CACNA2D3: variants seen among roughly 807,000 people sequenced by gnomAD.
The protein encoded by CACNA2D3 is voltage-dependent calcium channel subunit alpha-2/delta-3.
Under a neutral mutation model 160.6 loss-of-function variants are expected in CACNA2D3, and 60 were observed. That is an observed-to-expected ratio of 0.37 (90% CI 0.30 to 0.46). The LOEUF is 0.46. Among genes scored for constraint, CACNA2D3 ranks in the 20% least tolerant of loss-of-function variants. CACNA2D3 has a pLI of 1.00. For missense variants in CACNA2D3, 1,205 were observed against 1,365.0 expected (o/e 0.88, Z 1.85); for synonymous variants, 558 against 492.9 (o/e 1.13, Z -1.75).
chr3:54,618,374 T>TATATATATATATATATATATACACAC, intron 9 of CACNA2D3, among the ~76,000 whole-genome samples: 2 of 54,586 alleles, frequency 3.7e-5, no homozygotes, highest in African/African-American at 2.3e-4. Context: ...TATATATATA[T>TATATATATATATATATATATACACAC]GCACACACAC....
rs779649644 is a variant in CACNA2D3 at position 55,073,526 on chromosome 3, C to G, written c.3069C>G (p.Ala1023=). ...VDSSCLCESV[A]PITMAPIEIR... ...GCAGCTGCCTCTGTGAATCTGTGGC[C>G]CCCATCACCATGGCACCCATTGAAA... The change falls in exon 36 of 38, where the codon GCC becomes GCG. Residue 1023 remains alanine (A), a synonymous_variant. Coordinates refer to ENST00000474759, the MANE Select transcript of CACNA2D3 (RefSeq NM_018398.3). 3.5e-5 allele frequency: 57 copies of G among 1,613,660 alleles called. No homozygotes were observed. The Admixed American group carries it at 9.3e-4, about 26-fold the overall frequency.
intron 5 of CACNA2D3, among the ~76,000 whole-genome samples, chr3:54,517,638 G>A (rs1011402364): frequency 2.0e-5 from 3 of 152,166 alleles, no homozygotes; most frequent in African/African-American, 4.8e-5. Context: ...TGACAGTGAC[G>A]TCAGCAGTAG....
At chr3:54,968,082 T>C (rs1189774747) in intron 27 of CACNA2D3, among the ~76,000 whole-genome samples, 1 of 152,142 alleles carries the variant, frequency 6.6e-6, no homozygotes, top group Non-Finnish European at 1.5e-5. Flanking sequence ...CAAACAGTAA[T>C]AGCTGACAGG....
intron 34 of CACNA2D3, among the ~76,000 whole-genome samples, 189 bp downstream of exon 34, chr3:55,009,632 C>T (rs1703167934): frequency 6.6e-6 from 1 of 152,178 alleles, no homozygotes. Flanking sequence ...CAGAATTCCA[C>T]AGGCTTCATT....
intron 4 of CACNA2D3, among the ~76,000 whole-genome samples, chr3:54,434,429 C>T (rs527489442): frequency 1.3e-5 from 2 of 152,206 alleles, no homozygotes; most frequent in African/African-American, 4.8e-5. Context: ...TTGATTTTGG[C>T]CCACTCCCAG....
chr3:54,267,012 G>T (rs139047823), intron 2 of CACNA2D3, among the ~76,000 whole-genome samples: 44 of 152,230 alleles, frequency 2.9e-4, no homozygotes, highest in Non-Finnish European at 4.7e-4. Flanking sequence ...AATGTGAAAT[G>T]GGGGGAGGCT....
chr3:54,560,121 T>C (rs1035053880), intron 5 of CACNA2D3, among the ~76,000 whole-genome samples: 1 of 152,204 alleles, frequency 6.6e-6, no homozygotes, highest in African/African-American at 2.4e-5. Context: ...TTGCTGAGTC[T>C]AATGGTATTT....
chr3:54,268,702 C>T (rs566002461), intron 2 of CACNA2D3, among the ~76,000 whole-genome samples: 1 of 152,276 alleles, frequency 6.6e-6, no homozygotes, highest in Admixed American at 6.5e-5. Flanking sequence ...AGCCACCGTG[C>T]CCAGCTGTCA....
intron 2 of CACNA2D3, among the ~76,000 whole-genome samples, chr3:54,173,408 TAATG>T (rs574983800): frequency 6.6e-6 from 1 of 152,206 alleles, no homozygotes; most frequent in Non-Finnish European, 1.5e-5. Flanking sequence ...AATTTAATAA[TAATG>T]CAATTTTAAA....
At chr3:54,944,914 C>A (rs1014737228) in intron 27 of CACNA2D3, among the ~76,000 whole-genome samples, 2 of 152,034 alleles carry the variant, frequency 1.3e-5, no homozygotes, top group Admixed American at 6.6e-5. Flanking sequence ...TGAAGGCTCT[C>A]CCCAAATATC....
At chr3:55,052,822 A>G (rs2107208801) in intron 35 of CACNA2D3, among the ~76,000 whole-genome samples, 1 of 152,112 alleles carries the variant, frequency 6.6e-6, no homozygotes, top group East Asian at 1.9e-4. Flanking sequence ...ATTGTGACTA[A>G]CATTTTCGTG....
chr3:54,949,184 GT>G (rs1701692756), intron 27 of CACNA2D3, among the ~76,000 whole-genome samples: 1 of 152,152 alleles, frequency 6.6e-6, no homozygotes. Context: ...CCTTGATATA[GT>G]TTTGGTCAGT....
intron 11 of CACNA2D3, among the ~76,000 whole-genome samples, chr3:54,711,697 G>A (rs1700956205): frequency 6.6e-6 from 1 of 152,180 alleles, no homozygotes; most frequent in Non-Finnish European, 1.5e-5. Flanking sequence ...ATAGAAGAGT[G>A]GATATCTGGA....
intron 2 of CACNA2D3, among the ~76,000 whole-genome samples, chr3:54,317,814 CA>C (rs1703900347): frequency 1.3e-5 from 2 of 152,206 alleles, no homozygotes; most frequent in Non-Finnish European, 2.9e-5. Context: ...GCTGGGATTA[CA>C]GGTGTGAACC....
At chr3:54,878,059 T>G (rs147766317) in intron 18 of CACNA2D3, among the ~76,000 whole-genome samples, 1 of 152,212 alleles carries the variant, frequency 6.6e-6, no homozygotes, top group Non-Finnish European at 1.5e-5. Context: ...ATGCCTTTAC[T>G]CACTCACACA....
At chr3:54,602,634 G>A (rs1208568907) in intron 9 of CACNA2D3, among the ~76,000 whole-genome samples, 4 of 152,018 alleles carry the variant, frequency 2.6e-5, no homozygotes, top group African/African-American at 9.7e-5. Context: ...GCTAACCCTG[G>A]ATTTGTACTC....
At chr3:54,369,109 G>A (rs1441022865) in intron 3 of CACNA2D3, among the ~76,000 whole-genome samples, 1 of 152,096 alleles carries the variant, frequency 6.6e-6, no homozygotes, top group African/African-American at 2.4e-5. Flanking sequence ...ATAACAATAA[G>A]TATACATATA....
At chr3:54,871,223 A>ACAC (rs1553897938) in intron 17 of CACNA2D3, among the ~76,000 whole-genome samples, 9 of 143,966 alleles carry the variant, frequency 6.3e-5, no homozygotes, top group African/African-American at 2.0e-4. Flanking sequence ...ACACACACAC[A>ACAC]CCCCCCATTC....
chr3:54,602,965 G>C (rs1703090829), intron 9 of CACNA2D3, among the ~76,000 whole-genome samples: 1 of 152,168 alleles, frequency 6.6e-6, no homozygotes, highest in East Asian at 1.9e-4. Flanking sequence ...CCAAACTCAA[G>C]TTGAAGCAGT....
Sources: gnomAD v4.1 joint callset for allele counts (sites outside exome capture counted in the v4.1 genomes callset) on GRCh38, gnomAD v4.1.1 for gene constraint, MANE v1.5 for transcripts, NCBI Gene and HGNC (gene_info 2026-07-23, HGNC 2026-07-21) for gene names.